The following INPP5D variants were observed in gnomAD, a reference collection of about 807,000 sequenced individuals.
INPP5D encodes inositol polyphosphate-5-phosphatase D, also known as phosphatidylinositol 3,4,5-trisphosphate 5-phosphatase 1.
In INPP5D, 33 loss-of-function variants were observed where a neutral mutation model predicts 122.9. The ratio of observed to expected loss-of-function variants is 0.27; its 90% confidence interval spans 0.20 to 0.36. The LOEUF is 0.36. Ranked by LOEUF, INPP5D falls within the 10% of genes least tolerant of loss-of-function variation. The probability of loss-of-function intolerance (pLI) is 1.00; values close to 1 mark genes in which losing one functional copy is unlikely to be tolerated. For missense variants in INPP5D, 1,053 were observed against 1,412.7 expected (o/e 0.75, Z 4.08); for synonymous variants, 584 against 576.2 (o/e 1.01, Z -0.19).
rs532303845 is a variant in INPP5D, at chr2:233,105,592, C to T, written c.199-16515C>T. Among the ~76,000 whole-genome samples the T allele has an allele frequency of 5.3e-5, 8 of 152,084 alleles. No homozygotes were observed. Among genetic ancestry groups the T allele is most frequent in the East Asian group, 1.9e-4 (1 of 5,160 alleles). ...CTGGGTCTGTGTTGGTCCCTGATGC[C>T]GGGGGCTGAGCCGGGGGGAAGAGAG... On this transcript the variant is annotated intron_variant, in intron 2 of 26. Coordinates refer to ENST00000445964, the MANE Select transcript of INPP5D (RefSeq NM_001017915.3). This position sits in a 1 kb window ranked among gnomAD's most constrained non-coding sequence, Gnocchi z 4.0.
intron 2 of INPP5D, among the ~76,000 whole-genome samples, chr2:233,104,318 T>C (rs1346132589): frequency 6.6e-6 from 1 of 152,178 alleles, no homozygotes; most frequent in Non-Finnish European, 1.5e-5. Flanking sequence ...AGTGAAGCTG[T>C]TTGAGTACTC....
intron 5 of INPP5D, chr2:233,134,179 G>A (rs1394472254): frequency 5.3e-6 from 2 of 376,902 alleles, no homozygotes; most frequent in Middle Eastern, 4.6e-4. Flanking sequence ...AGGGTGGTGG[G>A]AGGAGAGTTC....
At position 233,206,989 on chromosome 2, in the gene INPP5D, G is replaced by A. The variant is rs1695524984; in HGVS notation, c.*281G>A. The A allele has an allele frequency of 2.4e-6, 1 of 425,200 alleles. No homozygotes were observed. The highest frequency in any genetic ancestry group is 4.3e-6 in the Non-Finnish European group (1 of 234,506). 26.3% of individuals were successfully genotyped at this position (425,200 alleles called of 1,614,324 possible). On this transcript the variant is annotated 3_prime_UTR_variant, in exon 27 of 27. Coordinates refer to ENST00000445964, the MANE Select transcript of INPP5D (RefSeq NM_001017915.3). The surrounding 1 kb of genome is among the most constrained non-coding windows in gnomAD (Gnocchi z 4.0). ...ACTTGGGACCCCAGTGCCTCGTTGA[G>A]GGCGCCATTCTGAAGAAAGGAACTG... is the stretch of plus-strand genomic sequence containing the variant.
chr2:233,204,929 C>A, intron 26 of INPP5D: 1 of 749,650 alleles, frequency 1.3e-6, no homozygotes, highest in Non-Finnish European at 2.0e-6. Flanking sequence ...CCCAGGTCTG[C>A]CTGTCCCACA....
At chr2:233,176,090 T>C (rs1694617687) in intron 17 of INPP5D, among the ~76,000 whole-genome samples, 2 of 152,342 alleles carry the variant, frequency 1.3e-5, no homozygotes, top group South Asian at 4.1e-4. Flanking sequence ...TTTATGTTTG[T>C]AGACAGAGAA....
At position 233,060,420 on chromosome 2, in the gene INPP5D, C is replaced by T. The variant is rs758622261; in HGVS notation, c.-59C>T. ...GCAGTGGAGGGGCCTCCGCTCCCCT[C>T]GGTGGTGTGTGGGTCCTGGGGGTGC... On this transcript the variant is annotated 5_prime_UTR_variant, in exon 1 of 27. Transcript: ENST00000445964. The T allele has an allele frequency of 6.6e-6, 10 of 1,523,168 alleles. No individual in the cohort carries two copies. The highest frequency in any genetic ancestry group is 1.4e-5 in the African/African-American group (1 of 72,768). 94.4% of individuals were successfully genotyped at this position (1,523,168 alleles called of 1,614,324 possible).
rs757597472 is a variant in INPP5D at position 233,170,040 on chromosome 2, A to C, written c.1667A>C (p.Tyr556Ser). The C allele has an allele frequency of 1.9e-6, 3 of 1,613,988 alleles. No individual in the cohort carries two copies. Among genetic ancestry groups the C allele is most frequent in the South Asian group, 1.1e-5 (1 of 91,090 alleles). ...SEKKLRRNQN[Y>S]MNILRFLALG... The stretch of plus-strand genomic sequence containing the variant: ...CCTTGCATTAGGCGAAACCAAAACT[A>C]TATGAACATTCTCCGGTTCCTGGCC... Residue 556 changes from tyrosine (Y) to serine (S), a missense_variant, in exon 15 of 27, where the codon TAT (tyrosine) becomes TCT (serine). Transcript: ENST00000445964. This position sits in a 1 kb window ranked among gnomAD's most constrained non-coding sequence, Gnocchi z 4.5.
chr2:233,143,080 A>G (rs1693663530), intron 6 of INPP5D, among the ~76,000 whole-genome samples: 1 of 152,082 alleles, frequency 6.6e-6, no homozygotes, highest in African/African-American at 2.4e-5. Context: ...TAAACTCACC[A>G]CTCTGACTCT....
rs113709236 is a variant in INPP5D at position 233,127,255 on chromosome 2, A to C, written c.524+1336A>C. On this transcript the variant is annotated intron_variant, in intron 4 of 26. Transcript: ENST00000445964. ...AGCCCTGCTTTTTCTATCTTTGCTT[A>C]TCATGTCAGTGGAACCTTCCTAAAA... Among the ~76,000 whole-genome samples the C allele has an allele frequency of 9.4e-3, 1,428 of 152,326 alleles. 7 individuals carry two copies. Among genetic ancestry groups the C allele is most frequent in the African/African-American group, 0.013 (548 of 41,566 alleles).
intron 2 of INPP5D, among the ~76,000 whole-genome samples, chr2:233,101,560 T>C (rs1011797246): frequency 3.7e-4 from 55 of 147,260 alleles, no homozygotes; most frequent in Non-Finnish European, 7.0e-4. Flanking sequence ...TAATTAATAA[T>C]GACATATATG....
chr2:233,125,655 G>A (rs1186880244), intron 3 of INPP5D, 90 bp from the exon 4 acceptor site: 2 of 1,134,634 alleles, frequency 1.8e-6, no homozygotes, highest in African/African-American at 1.6e-5. Context: ...AATAACGTGG[G>A]TGTCGTGGCC....
At chr2:233,135,712 A>T (rs1693451197) in intron 5 of INPP5D, among the ~76,000 whole-genome samples, 2 of 151,898 alleles carry the variant, frequency 1.3e-5, no homozygotes, top group African/African-American at 4.8e-5. Context: ...GAAAAAGGCT[A>T]CTGACCTGGA....
At chr2:233,151,430 A>G (rs998433966) in intron 9 of INPP5D, among the ~76,000 whole-genome samples, 2 of 152,142 alleles carry the variant, frequency 1.3e-5, no homozygotes, top group African/African-American at 4.8e-5. Context: ...ACCTAGCTCC[A>G]GTCCTCCCGT....
intron 2 of INPP5D, among the ~76,000 whole-genome samples, chr2:233,099,304 C>T (rs1692238627): frequency 6.6e-6 from 1 of 152,168 alleles, no homozygotes; most frequent in Admixed American, 6.6e-5. Context: ...CTACACCAGC[C>T]CGTTACTCCA....
chr2:233,138,073 C>T (rs1186888115), intron 5 of INPP5D, among the ~76,000 whole-genome samples: 37 of 147,462 alleles, frequency 2.5e-4, no homozygotes, highest in African/African-American at 8.7e-4. Flanking sequence ...CAAAGTAGGC[C>T]GGGCCTGGTG....
chr2:233,138,003 GATTAT>G (rs1339188957), intron 5 of INPP5D, among the ~76,000 whole-genome samples: 2 of 143,694 alleles, frequency 1.4e-5, no homozygotes, highest in Non-Finnish European at 3.0e-5. Context: ...AATGTAATGA[GATTAT>G]ATTATATTAA....
At chr2:233,184,211 C>T (rs570079914) in intron 19 of INPP5D, among the ~76,000 whole-genome samples, 197 bp from the exon 20 acceptor site, 1 of 152,292 alleles carries the variant, frequency 6.6e-6, no homozygotes, top group African/African-American at 2.4e-5. Flanking sequence ...CTGCCCTGGC[C>T]AGCTCACGAT....
At position 233,204,582 on chromosome 2, in the gene INPP5D, A is replaced by G. The variant is rs772061209; in HGVS notation, c.3432A>G (p.Pro1144=). The G allele has an allele frequency of 7.7e-6, 12 of 1,568,226 alleles. No homozygotes were observed. In the South Asian group the frequency reaches 1.3e-4, roughly 17 times the overall value. The part of the protein sequence containing the change: ...PPTPTPRPPL[P]VKSPAVLHLQ... The stretch of plus-strand genomic sequence containing the variant: ...CCCCGACGCCGCGGCCGCCGCTGCC[A>G]GTCAAGAGCCCGGCGGTGCTGCACC... Residue 1144 remains proline, a synonymous_variant, in exon 26 of 27, where the codon CCA becomes CCG. Transcript: ENST00000445964.
At chr2:233,131,005 G>C (rs1006560499) in intron 5 of INPP5D, 5 of 445,294 alleles carry the variant, frequency 1.1e-5, no homozygotes, top group Non-Finnish European at 2.0e-5. Context: ...CATTACACCT[G>C]ACAAGCACAG....
Sources: gnomAD v4.1 joint callset for allele counts (sites outside exome capture counted in the v4.1 genomes callset) on GRCh38, gnomAD v4.1.1 for gene constraint, Gnocchi (gnomAD v3.1) non-coding constraint, MANE v1.5 for transcripts, NCBI Gene and HGNC (gene_info 2026-07-23, HGNC 2026-07-21) for gene names.